Variants in TCF7L1 observed in about 807,000 individuals in gnomAD.
TCF7L1 encodes transcription factor 7 like 1, also known as transcription factor 7-like 1.
A neutral mutation model predicts 63.7 loss-of-function variants in TCF7L1; 18 were observed. The observed-to-expected ratio is 0.28, with a 90% CI of 0.20 to 0.42. The LOEUF (loss-of-function observed/expected upper bound fraction) is 0.42, where lower values mean the gene tolerates loss of function less well. Among genes scored for constraint, TCF7L1 ranks in the 10% least tolerant of loss-of-function variants. TCF7L1 has a pLI of 1.00. For synonymous variants in TCF7L1, 355 were observed against 340.9 expected (o/e 1.04, Z -0.46); for missense variants, 654 against 779.3 (o/e 0.84, Z 1.91).
intron 3 of TCF7L1, among the ~76,000 whole-genome samples, chr2:85,181,840 G>T (rs1678810225): frequency 6.6e-6 from 1 of 152,134 alleles, no homozygotes; most frequent in East Asian, 1.9e-4. Flanking sequence ...GCATCGAGTG[G>T]GTGTCAGTTT....
rs367878904 is a variant in TCF7L1, at chr2:85,180,216, T to G, written c.441+45766T>G. Among the ~76,000 whole-genome samples the G allele has an allele frequency of 3.2e-3, 489 of 151,526 alleles. 4 individuals are homozygous for G. The highest frequency in any genetic ancestry group is 8.6e-3 in the African/African-American group (354 of 41,040). ...ACTTCTGATCTGCAAAGTGGTTTTT[T>G]TTTTTGTTTTTGTTTTTGTTTTTTT... is the stretch of plus-strand genomic sequence containing the variant. On this transcript the variant is annotated intron_variant, in intron 3 of 11. Transcript: ENST00000282111.
At chr2:85,201,961 A>AT (rs1553398718) in intron 3 of TCF7L1, among the ~76,000 whole-genome samples, 4 of 83,120 alleles carry the variant, frequency 4.8e-5, no homozygotes, top group Non-Finnish European at 7.6e-5. Flanking sequence ...TTATTTATTT[A>AT]TTTATTTTAT....
intron 5 of TCF7L1, chr2:85,303,458 G>A (rs1573034422): frequency 6.4e-6 from 1 of 155,836 alleles, no homozygotes; most frequent in East Asian, 1.9e-4. Context: ...CCCCTCTTTG[G>A]AGAAATAACA....
In TCF7L1 at chr2:85,174,215, T is replaced by C. The variant is rs113814001; in HGVS notation, c.441+39765T>C. ...CTTTTTCTATGTTCTGGACCTGTCATATAAAGGGAATCGTACAGTGTGTGG... is the reference window on the plus strand; with the variant it reads ...CTTTTTCTATGTTCTGGACCTGTCACATAAAGGGAATCGTACAGTGTGTGG... On this transcript the variant is annotated intron_variant, in intron 3 of 11. Transcript: ENST00000282111. 4.5e-3 allele frequency among the ~76,000 whole-genome samples: 691 copies of C among 152,298 alleles called. 6 individuals carry two copies. Among genetic ancestry groups the C allele is most frequent in the African/African-American group, 0.016 (666 of 41,572 alleles).
intron 3 of TCF7L1, among the ~76,000 whole-genome samples, chr2:85,249,579 C>A (rs920271280): frequency 2.0e-5 from 3 of 152,226 alleles, no homozygotes; most frequent in African/African-American, 7.2e-5. Flanking sequence ...ACCCCAGTTG[C>A]CACTCACCTG....
At chr2:85,286,721 C>G (rs986385006) in intron 4 of TCF7L1, among the ~76,000 whole-genome samples, 1 of 152,076 alleles carries the variant, frequency 6.6e-6, no homozygotes, top group African/African-American at 2.4e-5. Flanking sequence ...TCTCAAACTC[C>G]CAACCTCAGG....
chr2:85,196,208 G>A (rs1285931939), intron 3 of TCF7L1, among the ~76,000 whole-genome samples: 3 of 152,234 alleles, frequency 2.0e-5, no homozygotes, highest in African/African-American at 4.8e-5. Context: ...AGGGGCAAGT[G>A]TATCCCTGAA....
intron 4 of TCF7L1, among the ~76,000 whole-genome samples, chr2:85,287,751 C>T (rs1681597192): frequency 6.6e-6 from 1 of 152,134 alleles, no homozygotes; most frequent in Non-Finnish European, 1.5e-5. Flanking sequence ...GTTTTTGAGG[C>T]AGAGCATCTC....
rs574085052 is a variant in TCF7L1, at chr2:85,159,122, C to A, written c.441+24672C>A. Among the ~76,000 whole-genome samples the A allele has an allele frequency of 2.0e-5, 3 of 152,158 alleles. 1 individual carries two copies. The South Asian group carries it at 6.2e-4, about 32-fold the overall frequency. ...TTCGATCAATAAATAGAAGCAGGCT[C>A]CAGCTTCAGGAAAAGGGGAGTCTTG... On this transcript the variant is annotated intron_variant, in intron 3 of 11. Transcript: ENST00000282111.
intron 3 of TCF7L1, among the ~76,000 whole-genome samples, chr2:85,203,561 T>C (rs1215241346): frequency 6.6e-6 from 1 of 151,922 alleles, no homozygotes; most frequent in African/African-American, 2.4e-5. Context: ...ACCCTGTCTC[T>C]ACAAAAAAAA....
chr2:85,251,671 A>G (rs1298997268), intron 3 of TCF7L1, among the ~76,000 whole-genome samples: 2 of 152,180 alleles, frequency 1.3e-5, no homozygotes, highest in African/African-American at 4.8e-5. Context: ...CCGCTTTTTG[A>G]TAGTTCCCTG....
At chr2:85,209,419 G>T (rs1300090280) in intron 3 of TCF7L1, among the ~76,000 whole-genome samples, 1 of 152,216 alleles carries the variant, frequency 6.6e-6, no homozygotes, top group African/African-American at 2.4e-5. Context: ...CAGTGGCAGT[G>T]CCAGTACTTG....
Position 85,134,523 on chromosome 2 carries a change from T to C in TCF7L1, c.441+73T>C. ...CAGGATGCGCCCCCGGGCTTGGCCA[T>C]GGAGTGGGGGATGGGGCCTTCTGCG... On this transcript the variant is annotated intron_variant, in intron 3 of 11. Transcript: ENST00000282111. The surrounding 1 kb of genome is among the most constrained non-coding windows in gnomAD (Gnocchi z 5.0). 2.6e-6 allele frequency: 4 copies of C among 1,509,674 alleles called. No individual in the cohort carries two copies. The highest frequency in any genetic ancestry group is 2.5e-5 in the South Asian group (2 of 79,736). 93.5% of individuals were successfully genotyped at this position (1,509,674 alleles called of 1,614,324 possible). A position where few individuals can be genotyped will look rare whatever the true frequency, so the allele number is the denominator to read the frequency against.
At chr2:85,228,360 G>T (rs1310995781) in intron 3 of TCF7L1, among the ~76,000 whole-genome samples, 3 of 152,176 alleles carry the variant, frequency 2.0e-5, no homozygotes, top group Non-Finnish European at 4.4e-5. Flanking sequence ...GGTCAAGGCT[G>T]CAGTGAGCCG....
At chr2:85,170,236 C>T (rs1440551522) in intron 3 of TCF7L1, among the ~76,000 whole-genome samples, 1 of 152,112 alleles carries the variant, frequency 6.6e-6, no homozygotes, top group Non-Finnish European at 1.5e-5. Context: ...AGGGTTGGGG[C>T]AGAGACTGTA....
chr2:85,199,990 G>A (rs1679237806), intron 3 of TCF7L1, among the ~76,000 whole-genome samples: 1 of 152,154 alleles, frequency 6.6e-6, no homozygotes, highest in Non-Finnish European at 1.5e-5. Context: ...TCGTCAGATG[G>A]AGTCATACAA....
chr2:85,272,712 T>C (rs901700399), intron 3 of TCF7L1, among the ~76,000 whole-genome samples: 6 of 152,086 alleles, frequency 3.9e-5, no homozygotes, highest in Non-Finnish European at 1.5e-5. Flanking sequence ...GGAGGATTGC[T>C]TGATTCCATG....
intron 3 of TCF7L1, among the ~76,000 whole-genome samples, chr2:85,264,417 A>T (rs1407524487): frequency 1.3e-5 from 2 of 152,154 alleles, no homozygotes; most frequent in Admixed American, 1.3e-4. Flanking sequence ...CGGACATGAG[A>T]TGGAGTTGTC....
At chr2:85,273,276 C>T (rs1317248018) in intron 3 of TCF7L1, among the ~76,000 whole-genome samples, 1 of 152,212 alleles carries the variant, frequency 6.6e-6, no homozygotes, top group Non-Finnish European at 1.5e-5. Flanking sequence ...TGCAAGGAAC[C>T]CACAGACCCC....
Sources: allele counts gnomAD v4.1 joint callset (sites outside exome capture counted in the v4.1 genomes callset), GRCh38; gene constraint gnomAD v4.1.1; non-coding constraint Gnocchi (gnomAD v3.1); transcripts MANE v1.5; gene names NCBI Gene and HGNC (gene_info 2026-07-23, HGNC 2026-07-21).